CCSER2: variants seen among roughly 807,000 people sequenced by gnomAD.
The protein encoded by CCSER2 is serine-rich coiled-coil domain-containing protein 2.
Under a neutral mutation model 92.3 loss-of-function variants are expected in CCSER2, and 46 were observed. The observed-to-expected ratio is 0.50, with a 90% CI of 0.39 to 0.64. The LOEUF is 0.64. Among genes scored for constraint, CCSER2 ranks in the 30% least tolerant of loss-of-function variants. The probability of loss-of-function intolerance (pLI) is 0.00; values close to 1 mark genes in which losing one functional copy is unlikely to be tolerated. For synonymous variants in CCSER2, 433 were observed against 431.4 expected (o/e 1.00, Z -0.04); for missense variants, 1,244 against 1,238.9 (o/e 1.00, Z -0.06).
chr10:84,361,470 G>A (rs754296664), intron 1 of CCSER2, among the ~76,000 whole-genome samples: 4 of 152,006 alleles, frequency 2.6e-5, no homozygotes, highest in Non-Finnish European at 5.9e-5. Context: ...TTTTTACATC[G>A]AAAATGGAAA....
chr10:84,407,380 C>T (rs144800195), intron 3 of CCSER2, among the ~76,000 whole-genome samples: 164 of 152,088 alleles, frequency 1.1e-3, no homozygotes, highest in Non-Finnish European at 1.6e-3. Flanking sequence ...TTAATCTTTT[C>T]CAGCTTTATT....
chr10:84,381,252 A>G (rs1269438255), intron 3 of CCSER2, among the ~76,000 whole-genome samples: 1 of 152,126 alleles, frequency 6.6e-6, no homozygotes, highest in South Asian at 2.1e-4. Context: ...TTTGCTTTCT[A>G]ATTGTTTTGT....
intron 8 of CCSER2, among the ~76,000 whole-genome samples, chr10:84,476,127 C>G (rs1847123454): frequency 6.6e-6 from 1 of 152,096 alleles, no homozygotes; most frequent in Admixed American, 6.5e-5. Flanking sequence ...TGAGCTACTG[C>G]ACCCAGCCTA....
chr10:84,390,984 A>C (rs748701635), intron 3 of CCSER2: 51 of 769,330 alleles, frequency 6.6e-5, no homozygotes, highest in Admixed American at 1.5e-4. Context: ...CATTTAGTAA[A>C]TACCAGCATA....
chr10:84,433,356 T>G (rs1319921791), intron 5 of CCSER2, among the ~76,000 whole-genome samples: 1 of 152,122 alleles, frequency 6.6e-6, no homozygotes, highest in Non-Finnish European at 1.5e-5. Context: ...GATGAAACAC[T>G]AATGATTTTA....
intron 9 of CCSER2, among the ~76,000 whole-genome samples, chr10:84,492,871 A>T (rs1199700370): frequency 6.6e-6 from 1 of 152,074 alleles, no homozygotes; most frequent in African/African-American, 2.4e-5. Context: ...ATTTTGTTAA[A>T]GATTTTTACA....
At chr10:84,330,226 G>A (rs182100470) in intron 1 of CCSER2, among the ~76,000 whole-genome samples, 6 of 152,226 alleles carry the variant, frequency 3.9e-5, no homozygotes, top group Non-Finnish European at 7.4e-5. Context: ...AGCGGTATTT[G>A]TCTCCATTCT....
intron 7 of CCSER2, among the ~76,000 whole-genome samples, chr10:84,469,046 C>T (rs1028469491): frequency 4.6e-5 from 7 of 151,994 alleles, no homozygotes; most frequent in African/African-American, 1.4e-4. Flanking sequence ...TCTGTTGAGG[C>T]CTTAAAAATG....
At chr10:84,338,966 TTCTC>T (rs1844010665) in intron 1 of CCSER2, among the ~76,000 whole-genome samples, 1 of 152,200 alleles carries the variant, frequency 6.6e-6, no homozygotes, top group African/African-American at 2.4e-5. Context: ...TCATTGGTCT[TTCTC>T]CAGATTTTCT....
chr10:84,460,931 A>G (rs895122761), intron 6 of CCSER2, among the ~76,000 whole-genome samples: 3 of 151,842 alleles, frequency 2.0e-5, no homozygotes, highest in African/African-American at 7.3e-5. Flanking sequence ...AGTTTCATTG[A>G]TTTGTTTGTG....
intron 9 of CCSER2, among the ~76,000 whole-genome samples, chr10:84,479,544 G>A (rs1428239439): frequency 6.6e-6 from 1 of 152,184 alleles, no homozygotes; most frequent in African/African-American, 2.4e-5. Context: ...AAAGGGGAAA[G>A]GAGGAAAAGC....
chr10:84,390,876 T>C, intron 3 of CCSER2: 1 of 654,268 alleles, frequency 1.5e-6, no homozygotes, highest in Non-Finnish European at 2.9e-6. Context: ...ATAAATATTC[T>C]AAGACCTTAA....
chr10:84,346,993 A>G (rs1314050016), intron 1 of CCSER2, among the ~76,000 whole-genome samples: 1 of 152,040 alleles, frequency 6.6e-6, no homozygotes, highest in African/African-American at 2.4e-5. Flanking sequence ...CTTAGCGAGC[A>G]TGCTGCCTTC....
In CCSER2 at chr10:84,346,605, A is replaced by G. The variant is rs1306258134; in HGVS notation, c.-40+17797A>G. On this transcript the variant is annotated intron_variant, in intron 1 of 9. Transcript: ENST00000372088. ...GCTAATTTGGTAGATTTATTGCTAT[A>G]TATTACATGAGAAGAGTAGATCCAG... Among the ~76,000 whole-genome samples, 4 of 152,162 alleles carry G rather than the reference A, an allele frequency of 2.6e-5. No homozygotes were observed. In the East Asian group the frequency reaches 5.8e-4, roughly 22 times the overall value.
chr10:84,407,769 A>T (rs1032141082), intron 3 of CCSER2, among the ~76,000 whole-genome samples: 1 of 152,210 alleles, frequency 6.6e-6, no homozygotes, highest in Non-Finnish European at 1.5e-5. Context: ...AGTGCTTTGC[A>T]TATATTAGTA....
intron 1 of CCSER2, among the ~76,000 whole-genome samples, chr10:84,366,745 A>G (rs1845795932): frequency 6.6e-6 from 1 of 152,182 alleles, no homozygotes; most frequent in Non-Finnish European, 1.5e-5. Flanking sequence ...TCCCTGTACA[A>G]TGAGTTTTGG....
chr10:84,342,218 T>C (rs1844227755), intron 1 of CCSER2, among the ~76,000 whole-genome samples: 1 of 152,182 alleles, frequency 6.6e-6, no homozygotes, highest in Non-Finnish European at 1.5e-5. Flanking sequence ...CTCTGGAGAT[T>C]CCATGGGTTT....
At chr10:84,474,538 G>A (rs778617628) in intron 8 of CCSER2, among the ~76,000 whole-genome samples, 3 of 152,100 alleles carry the variant, frequency 2.0e-5, no homozygotes, top group Non-Finnish European at 4.4e-5. Context: ...GCACATGCCT[G>A]TAGTCTCAGC....
chr10:84,387,233 T>G (rs188521093), intron 3 of CCSER2, among the ~76,000 whole-genome samples: 7 of 152,288 alleles, frequency 4.6e-5, no homozygotes, highest in African/African-American at 1.7e-4. Context: ...TTTTATTTTC[T>G]CCCCTCCCTC....
Sources: allele counts gnomAD v4.1 joint callset (sites outside exome capture counted in the v4.1 genomes callset), GRCh38; gene constraint gnomAD v4.1.1; transcripts MANE v1.5; gene names NCBI Gene and HGNC (gene_info 2026-07-23, HGNC 2026-07-21).